UBXN7: variants seen among roughly 807,000 people sequenced by gnomAD.
The protein encoded by UBXN7 is UBX domain-containing protein 7.
A neutral mutation model predicts 58.0 loss-of-function variants in UBXN7; 9 were observed. The ratio of observed to expected loss-of-function variants is 0.16; its 90% CI spans 0.09 to 0.27. The LOEUF is 0.27. Ranked by LOEUF, UBXN7 falls within the 10% of genes least tolerant of loss-of-function variation. The pLI is 1.00. For synonymous variants in UBXN7, 208 were observed against 205.0 expected, an observed-to-expected ratio of 1.01 and a Z score of -0.12; for missense variants, 328 against 599.6, an observed-to-expected ratio of 0.55 and a Z score of 4.73.
chr3:196,431,562 C>T (rs1731049978), intron 1 of UBXN7: 2 of 160,862 alleles, frequency 1.2e-5, no homozygotes, highest in South Asian at 1.3e-4. Context: ...GCCGCCATCC[C>T]TATCTTATCA....
intron 5 of UBXN7, among the ~76,000 whole-genome samples, chr3:196,387,466 C>T (rs62409222): frequency 0.011 from 1,732 of 152,242 alleles, 24 homozygotes; most frequent in Non-Finnish European, 0.015. Flanking sequence ...AGAGCTTCTG[C>T]ATGGCAAAAG....
At chr3:196,390,716 G>A (rs1410043663) in intron 5 of UBXN7, among the ~76,000 whole-genome samples, 1 of 146,010 alleles carries the variant, frequency 6.8e-6, no homozygotes, top group Non-Finnish European at 1.5e-5. Flanking sequence ...ACTCCGGCGA[G>A]ACTCCATCTC....
intron 1 of UBXN7, among the ~76,000 whole-genome samples, chr3:196,419,539 C>T (rs1730615996): frequency 6.6e-6 from 1 of 152,130 alleles, no homozygotes; most frequent in African/African-American, 2.4e-5. Flanking sequence ...CCATCTGTTC[C>T]CGTATCATCA....
intron 1 of UBXN7, among the ~76,000 whole-genome samples, chr3:196,408,317 A>C (rs1730223985): frequency 6.6e-6 from 1 of 152,192 alleles, no homozygotes; most frequent in Non-Finnish European, 1.5e-5. Context: ...CTTTAAGACA[A>C]CAATTTTACA....
At chr3:196,387,702 T>C (rs1203530363) in intron 5 of UBXN7, among the ~76,000 whole-genome samples, 1 of 152,182 alleles carries the variant, frequency 6.6e-6, no homozygotes, top group Non-Finnish European at 1.5e-5. Flanking sequence ...ATGCTCATCA[T>C]CACTGGTCAT....
chr3:196,386,574 A>C (rs1376403115), intron 5 of UBXN7, among the ~76,000 whole-genome samples: 1 of 152,126 alleles, frequency 6.6e-6, no homozygotes, highest in Non-Finnish European at 1.5e-5. Context: ...CACCATTAAC[A>C]GACAAAGAGC....
intron 4 of UBXN7, among the ~76,000 whole-genome samples, chr3:196,392,432 G>A (rs1729614987): frequency 6.6e-6 from 1 of 152,016 alleles, no homozygotes; most frequent in African/African-American, 2.4e-5. Context: ...CTGAACCCTG[G>A]AGGCAGAGGT....
chr3:196,412,183 A>G (rs1211087749), intron 1 of UBXN7, among the ~76,000 whole-genome samples: 3 of 147,096 alleles, frequency 2.0e-5, no homozygotes, highest in African/African-American at 7.5e-5. Flanking sequence ...GTGAGCTGAG[A>G]TCACACCACT....
At position 196,349,421 on chromosome 3, in the gene UBXN7, T is replaced by C. The variant is rs567921944; in HGVS notation, c.*7264A>G. The C allele has an allele frequency of 6.6e-6, 1 of 152,216 alleles. No homozygotes were observed. Among genetic ancestry groups the C allele is most frequent in the Non-Finnish European group, 1.5e-5 (1 of 68,030 alleles). 9.4% of individuals were successfully genotyped at this position (152,216 alleles called of 1,614,324 possible). On this transcript the variant is annotated 3_prime_UTR_variant, in exon 11 of 11. Coordinates refer to ENST00000296328, the MANE Select transcript of UBXN7 (RefSeq NM_015562.2). The stretch of plus-strand genomic sequence containing the variant: ...AGGGCAATAAGTTATCAAAAAGTTA[T>C]TGTTAAAAGCATATGATTAGTGTCA...
At chr3:196,423,662 T>A (rs1242324772) in intron 1 of UBXN7, 1 of 152,652 alleles carries the variant, frequency 6.6e-6, no homozygotes, top group Non-Finnish European at 1.5e-5. Flanking sequence ...ACAAGTTGCT[T>A]ATCTGCCTGG....
chr3:196,424,352 C>A, intron 1 of UBXN7, among the ~76,000 whole-genome samples: 1 of 150,962 alleles, frequency 6.6e-6, no homozygotes, highest in Non-Finnish European at 1.5e-5. Context: ...TACACTCCCT[C>A]CTGCAAGATG....
chr3:196,356,914 A>G, intron 10 of UBXN7, 68 bp from the exon 11 acceptor site: 1 of 1,523,418 alleles, frequency 6.6e-7, no homozygotes, highest in Non-Finnish European at 8.8e-7. Context: ...AGTGAATTAA[A>G]TAGAAAACAT....
chr3:196,357,187 G>A (rs1728373237), intron 10 of UBXN7, among the ~76,000 whole-genome samples: 1 of 152,058 alleles, frequency 6.6e-6, no homozygotes, highest in South Asian at 2.1e-4. Flanking sequence ...CTTTTATCAA[G>A]GAAGATATGT....
intron 3 of UBXN7, chr3:196,400,746 G>GAA (rs746942913): frequency 2.3e-4 from 76 of 329,042 alleles, no homozygotes; most frequent in East Asian, 4.2e-4. Flanking sequence ...CAAAACAAAA[G>GAA]AAAAAAAAAA....
chr3:196,374,643 G>A (rs1025982434), intron 5 of UBXN7, among the ~76,000 whole-genome samples: 3 of 151,050 alleles, frequency 2.0e-5, no homozygotes, highest in Non-Finnish European at 4.4e-5. Flanking sequence ...CACTTTGGGA[G>A]GCCGAGGTGG....
intron 10 of UBXN7, among the ~76,000 whole-genome samples, chr3:196,358,904 TC>T (rs1461358206): frequency 6.6e-6 from 1 of 150,912 alleles, no homozygotes; most frequent in Non-Finnish European, 1.5e-5. Flanking sequence ...CAAGTGATCC[TC>T]CCACCTTGGC....
At chr3:196,369,879 TC>T (rs1180505407) in intron 6 of UBXN7, among the ~76,000 whole-genome samples, 1 of 152,092 alleles carries the variant, frequency 6.6e-6, no homozygotes, top group Non-Finnish European at 1.5e-5. Context: ...ACGCCTGTAA[TC>T]CCAGCACTTT....
At chr3:196,378,093 GTGTT>G (rs1248216692) in intron 5 of UBXN7, among the ~76,000 whole-genome samples, 4 of 152,112 alleles carry the variant, frequency 2.6e-5, no homozygotes, top group Non-Finnish European at 4.4e-5. Flanking sequence ...GTGTTTGTGT[GTGTT>G]TGTTTTACGT....
At chr3:196,377,536 G>C (rs1577444778) in intron 5 of UBXN7, among the ~76,000 whole-genome samples, 1 of 152,070 alleles carries the variant, frequency 6.6e-6, no homozygotes, top group African/African-American at 2.4e-5. Context: ...ACTGAATTTG[G>C]CAACACGGAC....
Sources: allele counts gnomAD v4.1 joint callset (sites outside exome capture counted in the v4.1 genomes callset), GRCh38; gene constraint gnomAD v4.1.1; transcripts MANE v1.5; gene names NCBI Gene and HGNC (gene_info 2026-07-23, HGNC 2026-07-21).